BTBD8: variants seen among roughly 807,000 people sequenced by gnomAD.
BTBD8 encodes the protein BTB domain containing 8, also known as BTB/POZ domain-containing protein 8.
A neutral mutation model predicts 162.9 loss-of-function variants in BTBD8; 110 were observed. The observed-to-expected ratio is 0.68, with a 90% confidence interval of 0.58 to 0.79. The LOEUF is 0.79. Ranked by LOEUF, BTBD8 falls within the 30% of genes least tolerant of loss-of-function variation. The pLI is 0.00. For missense variants in BTBD8, 1,905 were observed against 2,085.4 expected, an observed-to-expected ratio of 0.91 and a Z score of 1.68; for synonymous variants, 667 against 716.1, an observed-to-expected ratio of 0.93 and a Z score of 1.10.
intron 9 of BTBD8, among the ~76,000 whole-genome samples, chr1:92,151,528 G>C (rs185879261): frequency 4.5e-4 from 68 of 152,196 alleles, no homozygotes; most frequent in Admixed American, 1.2e-3. Context: ...TGTAGTAGTA[G>C]TACCAGTATT....
chr1:92,083,910 A>G (rs1300540424), intron 1 of BTBD8, among the ~76,000 whole-genome samples: 1 of 152,198 alleles, frequency 6.6e-6, no homozygotes, highest in African/African-American at 2.4e-5. Flanking sequence ...GTAGGCTACT[A>G]CCATACCACC....
intron 9 of BTBD8, among the ~76,000 whole-genome samples, chr1:92,149,420 A>G (rs992779810): frequency 2.0e-5 from 3 of 152,224 alleles, no homozygotes; most frequent in African/African-American, 7.2e-5. Context: ...GGATAGTTGT[A>G]TCATGTTAGA....
chr1:92,122,715 C>T lies in BTBD8; in HGVS notation c.663-6972C>T, dbSNP rs148180713. Among the ~76,000 whole-genome samples, 742 of 152,104 alleles carry T rather than the reference C, an allele frequency of 4.9e-3. 4 individuals carry two copies. Among genetic ancestry groups the T allele is most frequent in the South Asian group, 0.017 (84 of 4,816 alleles). On this transcript the variant is annotated intron_variant, in intron 4 of 17. Coordinates refer to ENST00000636805, the MANE Select transcript of BTBD8 (RefSeq NM_001376131.1). The stretch of plus-strand genomic sequence containing the variant: ...GAGTAGCTGGGGTTACAGGCGTGTG[C>T]CACCATGCCTGGCTAATTTTTGTAC...
At position 92,080,513 on chromosome 1, in the gene BTBD8, C is replaced by G. The variant is rs1647970089; in HGVS notation, c.-59C>G. 6.3e-7 allele frequency: 1 copy of G among 1,591,284 alleles called. No homozygotes were observed. Among genetic ancestry groups the G allele is most frequent in the Non-Finnish European group, 8.5e-7 (1 of 1,173,206 alleles). Reference sequence around the variant, plus strand: ...GGTCGGAAACGCCCCCTTCTTCCTCCTGGGCGGGGCAAGTGAGGCCAAGTA... The same window carrying G: ...GGTCGGAAACGCCCCCTTCTTCCTCGTGGGCGGGGCAAGTGAGGCCAAGTA... On this transcript the variant is annotated 5_prime_UTR_variant, in exon 1 of 18. Transcript: ENST00000636805.
Position 92,182,021 on chromosome 1 carries a change from A to G in BTBD8, c.4338A>G (p.Glu1446=). 6.4e-7 allele frequency: 1 copy of G among 1,551,506 alleles called. No individual in the cohort carries two copies. Among genetic ancestry groups the G allele is most frequent in the Non-Finnish European group, 8.7e-7 (1 of 1,146,874 alleles). ...TTTTACTTTCAGTCGATGAATGTGA[A>G]GAGCTGGGATCAGATGAAGGAGAAG... ...RSVLLSVDEC[E]ELGSDEGEVH... Residue 1446 remains glutamate (E), a synonymous_variant, in exon 17 of 18, where the codon GAA becomes GAG. Transcript: ENST00000636805.
chr1:92,163,912 A>T (rs1015131659), intron 9 of BTBD8, among the ~76,000 whole-genome samples: 10 of 152,118 alleles, frequency 6.6e-5, no homozygotes, highest in South Asian at 2.1e-4. Context: ...TGTGGTTTTT[A>T]AAAAAATGCT....
Position 92,107,835 on chromosome 1 carries a change from AC to A in BTBD8, c.545-48del, listed in dbSNP as rs201802045. ...GATAATAATAGAAAACAATTTTTGGACGTTTGTAATATTAAACTATTTTTTA... is the reference window on the plus strand; with the variant it reads ...GATAATAATAGAAAACAATTTTTGGAGTTTGTAATATTAAACTATTTTTTA... On this transcript the variant is annotated intron_variant, in intron 3 of 17. Coordinates refer to ENST00000636805, the MANE Select transcript of BTBD8 (RefSeq NM_001376131.1). 6.7e-3 allele frequency: 9,774 copies of A among 1,451,898 alleles called. 128 individuals carry two copies. The highest frequency in any genetic ancestry group is 0.052 in the Admixed American group (2,387 of 45,516). 89.9% of individuals were successfully genotyped at this position (1,451,898 alleles called of 1,614,324 possible).
intron 9 of BTBD8, among the ~76,000 whole-genome samples, chr1:92,152,629 A>G (rs1456438594): frequency 6.6e-6 from 1 of 151,966 alleles, no homozygotes; most frequent in Non-Finnish European, 1.5e-5. Context: ...ATTGGGAGGG[A>G]TTTTAGCTGA....
chr1:92,155,511 C>T (rs536479651), intron 9 of BTBD8, among the ~76,000 whole-genome samples: 1 of 152,260 alleles, frequency 6.6e-6, no homozygotes, highest in African/African-American at 2.4e-5. Context: ...ATGATCATAG[C>T]TCACTGCAAC....
intron 4 of BTBD8, among the ~76,000 whole-genome samples, chr1:92,112,242 T>C (rs1648916918): frequency 6.6e-6 from 1 of 151,960 alleles, no homozygotes; most frequent in South Asian, 2.1e-4. Context: ...AGACCCCATC[T>C]CTACAAAAAA....
At chr1:92,108,234 C>G (rs1170904184) in intron 4 of BTBD8, among the ~76,000 whole-genome samples, 2 of 152,206 alleles carry the variant, frequency 1.3e-5, no homozygotes, top group African/African-American at 4.8e-5. Flanking sequence ...GTTGGCCTAC[C>G]CAGACATGTG....
intron 9 of BTBD8, among the ~76,000 whole-genome samples, chr1:92,166,424 C>CTTTTTTTTT (rs35849731): frequency 1.4e-4 from 17 of 120,410 alleles, no homozygotes; most frequent in Non-Finnish European, 2.5e-4. Flanking sequence ...TCTTTTCTTT[C>CTTTTTTTTT]TTTTTTTTTT....
intron 6 of BTBD8, among the ~76,000 whole-genome samples, chr1:92,140,257 G>GT (rs1293257974): frequency 1.5e-5 from 1 of 64,654 alleles, no homozygotes; most frequent in Non-Finnish European, 2.6e-5. Flanking sequence ...CCGGTTCTTG[G>GT]GGGAAAAAAA....
intron 2 of BTBD8, among the ~76,000 whole-genome samples, chr1:92,101,507 C>T (rs879889705): frequency 1.3e-5 from 2 of 152,178 alleles, no homozygotes; most frequent in African/African-American, 2.4e-5. Context: ...CACCAGGACC[C>T]GGGGAACCTC....
intron 9 of BTBD8, among the ~76,000 whole-genome samples, chr1:92,154,443 C>T (rs1194814618): frequency 2.6e-5 from 4 of 152,142 alleles, no homozygotes; most frequent in Admixed American, 2.6e-4. Flanking sequence ...CTCACCAAAA[C>T]TTGTTATCTT....
chr1:92,095,355 T>C (rs1648418835), intron 2 of BTBD8, among the ~76,000 whole-genome samples: 1 of 152,212 alleles, frequency 6.6e-6, no homozygotes. Flanking sequence ...TAAAGGCTTT[T>C]GTCCATGCTT....
chr1:92,165,493 T>C (rs1030407383), intron 9 of BTBD8, among the ~76,000 whole-genome samples: 4 of 150,886 alleles, frequency 2.7e-5, no homozygotes, highest in African/African-American at 9.9e-5. Context: ...GAAGATGTAG[T>C]GCTTCTGGAC....
At position 92,181,318 on chromosome 1, in the gene BTBD8, C is replaced by G. The variant is rs1440782744; in HGVS notation, c.3635C>G (p.Pro1212Arg). 6.4e-7 allele frequency: 1 copy of G among 1,551,378 alleles called. No individual in the cohort carries two copies. The highest frequency in any genetic ancestry group is 8.7e-7 in the Non-Finnish European group (1 of 1,146,932). ...GGACAGCTATCAGAAAAAAATTCTC[C>G]TAAAAATATGGAAACATCAGAATCT... ...FSGQLSEKNS[P>R]KNMETSESPE... The change falls in exon 17 of 18, where the codon CCT (proline) becomes CGT (arginine). Residue 1212 changes from proline (P) to arginine (R), a missense_variant. Physicochemically the swap from Pro to Arg is moderately radical, Grantham distance 103 (BLOSUM62 -2). Transcript: ENST00000636805.
intron 4 of BTBD8, among the ~76,000 whole-genome samples, chr1:92,117,090 T>TTC (rs1244480141): frequency 2.0e-5 from 3 of 151,908 alleles, no homozygotes; most frequent in African/African-American, 4.9e-5. Context: ...CAGAAGGGAA[T>TTC]CCTTCTGCCT....
Sources: gnomAD v4.1 joint callset for allele counts (sites outside exome capture counted in the v4.1 genomes callset) on GRCh38, gnomAD v4.1.1 for gene constraint, MANE v1.5 for transcripts, NCBI Gene and HGNC (gene_info 2026-07-23, HGNC 2026-07-21) for gene names.